CELF2: variants seen among roughly 807,000 people sequenced by gnomAD.
The protein encoded by CELF2 is CUGBP Elav-like family member 2, also known as CUG triplet repeat RNA-binding protein 2.
A neutral mutation model predicts 62.6 loss-of-function variants in CELF2; 8 were observed. The observed-to-expected ratio is 0.13, with a 90% confidence interval of 0.07 to 0.23. The LOEUF (loss-of-function observed/expected upper bound fraction) is 0.23, where lower values mean the gene tolerates loss of function less well. Ranked by LOEUF, CELF2 falls within the 10% of genes least tolerant of loss-of-function variation. The pLI is 1.00. For missense variants in CELF2, 333 were observed against 671.0 expected (o/e 0.50, Z 5.56); for synonymous variants, 258 against 250.0 (o/e 1.03, Z -0.30).
Position 11,011,073 on chromosome 10 carries a change from G to A in CELF2, c.53+5633G>A, listed in dbSNP as rs758645852. On this transcript the variant is annotated intron_variant, in intron 1 of 12. Coordinates refer to the CELF2 transcript ENST00000416382. This position sits in a 1 kb window ranked among gnomAD's most constrained non-coding sequence, Gnocchi z 4.6. Reference sequence around the variant, plus strand: ...ATTTGTTCACCTTACAGCTGAGGAGGTCTTTGAATTAAAGCATCCCATGCC... The same window carrying A: ...ATTTGTTCACCTTACAGCTGAGGAGATCTTTGAATTAAAGCATCCCATGCC... 1 of 152,116 alleles carries A rather than the reference G, an allele frequency of 6.6e-6. No homozygotes were observed. Among genetic ancestry groups the A allele is most frequent in the African/African-American group, 2.4e-5 (1 of 41,412 alleles). The allele number at this position is 152,116 out of a possible 1,614,324, so 9.4% of individuals were successfully genotyped here.
At chr10:10,502,897 G>T in the CELF2 span, among the ~76,000 whole-genome samples, 1 of 151,766 alleles carries the variant, frequency 6.6e-6, no homozygotes, top group Non-Finnish European at 1.5e-5. Context: ...TTCAAAATTG[G>T]ATTATCTGTA....
At position 10,979,769 on chromosome 10, in the gene CELF2, G is replaced by A. The variant is rs372632434; in HGVS notation, c.89+59770G>A. 1.1e-3 allele frequency among the ~76,000 whole-genome samples: 171 copies of A among 151,772 alleles called. 2 individuals are homozygous for A. Among genetic ancestry groups the A allele is most frequent in the South Asian group, 2.1e-3 (10 of 4,800 alleles). On this transcript the variant is annotated intron_variant, in intron 2 of 13. Coordinates refer to the CELF2 transcript ENST00000636488. Reference sequence around the variant, plus strand: ...GAGCGAATCAAAGTTGACAATGCCCGTAAGAGCAGACCTCAGTCAGAACAT... The same window carrying A: ...GAGCGAATCAAAGTTGACAATGCCCATAAGAGCAGACCTCAGTCAGAACAT...
rs2065759210 is a variant in CELF2 at position 11,224,170 on chromosome 10, T to C, written c.354+6663T>C. ...GGGAATAGCCACACCACTTTTGGCC[T>C]CAGAACCCAGTGGAAGGCAATGTTT... On this transcript the variant is annotated intron_variant, in intron 3 of 12. Transcript: ENST00000633077. This position sits in a 1 kb window ranked among gnomAD's most constrained non-coding sequence, Gnocchi z 4.5. Among the ~76,000 whole-genome samples the C allele has an allele frequency of 6.6e-6, 1 of 152,224 alleles. No individual in the cohort carries two copies. Among genetic ancestry groups the C allele is most frequent in the South Asian group, 2.1e-4 (1 of 4,828 alleles).
rs994597764 is a variant in CELF2 at position 11,242,787 on chromosome 10, T to A, written c.355-6366T>A. On this transcript the variant is annotated intron_variant, in intron 3 of 12. Coordinates refer to ENST00000633077, the MANE Select transcript of CELF2 (RefSeq NM_001326342.2). The surrounding 1 kb of genome is among the most constrained non-coding windows in gnomAD (Gnocchi z 4.8). ...TGGACCACTCAGCTCTGGGACCCTGTGTGTGTGTAGGGAGGGAGAAGAGGT... is the reference window on the plus strand; with the variant it reads ...TGGACCACTCAGCTCTGGGACCCTGAGTGTGTGTAGGGAGGGAGAAGAGGT... Among the ~76,000 whole-genome samples, 101 of 151,960 alleles carry A rather than the reference T, an allele frequency of 6.6e-4. No individual in the cohort carries two copies. Among genetic ancestry groups the A allele is most frequent in the African/African-American group, 2.4e-3 (98 of 41,446 alleles).
At chr10:10,756,426 C>T in the CELF2 span, among the ~76,000 whole-genome samples, 1 of 152,126 alleles carries the variant, frequency 6.6e-6, no homozygotes, top group African/African-American at 2.4e-5. Context: ...GAAAATAAAA[C>T]ACTCTCATGG....
At chr10:10,474,590 A>AT in the CELF2 span, among the ~76,000 whole-genome samples, 1 of 152,062 alleles carries the variant, frequency 6.6e-6, no homozygotes, top group African/African-American at 2.4e-5. Context: ...ATTCAATATA[A>AT]TTTTTGTGTG....
chr10:10,466,727 T>C, the CELF2 span, among the ~76,000 whole-genome samples: 1 of 152,150 alleles, frequency 6.6e-6, no homozygotes, highest in African/African-American at 2.4e-5. Context: ...ATTGCCAGTC[T>C]TTTCAGTGTT....
intron 8 of CELF2, among the ~76,000 whole-genome samples, chr10:11,279,388 G>A (rs1282536974): frequency 1.3e-5 from 2 of 152,276 alleles, no homozygotes; most frequent in East Asian, 1.9e-4. Flanking sequence ...TGTCTAGCAC[G>A]AGTGGAGAGG....
chr10:11,232,145 C>A (rs1159564970), intron 3 of CELF2, among the ~76,000 whole-genome samples: 2 of 152,044 alleles, frequency 1.3e-5, no homozygotes, highest in Non-Finnish European at 2.9e-5. Flanking sequence ...CTCCCCTCTC[C>A]CCCCACCCCA....
intron 1 of CELF2, among the ~76,000 whole-genome samples, chr10:10,869,214 G>A (rs572115016): frequency 2.8e-4 from 42 of 152,206 alleles, no homozygotes; most frequent in Admixed American, 2.4e-3. Flanking sequence ...TAAATATCAC[G>A]TATTTGATTT....
At position 11,246,581 on chromosome 10, in the gene CELF2, C is replaced by T. The variant is rs985220712; in HGVS notation, c.355-2572C>T. Among the ~76,000 whole-genome samples the T allele has an allele frequency of 1.3e-5, 2 of 152,172 alleles. No individual in the cohort carries two copies. Among genetic ancestry groups the T allele is most frequent in the African/African-American group, 4.8e-5 (2 of 41,430 alleles). ...TTATTGCCAGATCCAAATTCTTTGGCCTCTCACAGTGTTTGCTGTGGCCTG... is the reference window on the plus strand; with the variant it reads ...TTATTGCCAGATCCAAATTCTTTGGTCTCTCACAGTGTTTGCTGTGGCCTG... On this transcript the variant is annotated intron_variant, in intron 3 of 12. Coordinates refer to ENST00000633077, the MANE Select transcript of CELF2 (RefSeq NM_001326342.2). This position sits in a 1 kb window ranked among gnomAD's most constrained non-coding sequence, Gnocchi z 4.6.
At position 11,231,198 on chromosome 10, in the gene CELF2, A is replaced by G. The variant is rs186579140; in HGVS notation, c.354+13691A>G. The stretch of plus-strand genomic sequence containing the variant: ...TCATTCTTCCTTCTTGTGAATCTGG[A>G]GAAGTTTTTCACATTGTGGGTTATT... On this transcript the variant is annotated intron_variant, in intron 3 of 12. Transcript: ENST00000633077. Among the ~76,000 whole-genome samples the G allele has an allele frequency of 1.9e-3, 282 of 152,280 alleles. 1 individual carries two copies. Among genetic ancestry groups the G allele is most frequent in the African/African-American group, 6.4e-3 (267 of 41,548 alleles).
intron 2 of CELF2, among the ~76,000 whole-genome samples, chr10:11,197,992 C>T (rs2058382355): frequency 6.6e-6 from 1 of 152,194 alleles, no homozygotes; most frequent in Non-Finnish European, 1.5e-5. Flanking sequence ...CAACTGTCAC[C>T]TGGTAACCAG....
chr10:11,275,875 A>G (rs1490797745), intron 8 of CELF2, among the ~76,000 whole-genome samples: 1 of 152,120 alleles, frequency 6.6e-6, no homozygotes, highest in South Asian at 2.1e-4. Context: ...GCAATAAATC[A>G]GAACACAGGT....
At chr10:10,948,648 C>T (rs1401350302) in intron 2 of CELF2, among the ~76,000 whole-genome samples, 1 of 152,174 alleles carries the variant, frequency 6.6e-6, no homozygotes, top group Non-Finnish European at 1.5e-5. Flanking sequence ...GCTGGGAGGG[C>T]TGCCTCTTTG....
At chr10:11,308,558 GT>G in intron 9 of CELF2, among the ~76,000 whole-genome samples, 1 of 152,198 alleles carries the variant, frequency 6.6e-6, no homozygotes, top group African/African-American at 2.4e-5. Context: ...TTTCATTTTG[GT>G]TTTTACTTTT....
chr10:10,761,905 C>CAT, the CELF2 span, among the ~76,000 whole-genome samples: 2 of 128,880 alleles, frequency 1.6e-5, no homozygotes, highest in Non-Finnish European at 3.2e-5. Flanking sequence ...TATAATAAAC[C>CAT]GTGTGTGTGT....
chr10:11,294,369 T>A (rs1420123460), intron 9 of CELF2, among the ~76,000 whole-genome samples: 1 of 152,180 alleles, frequency 6.6e-6, no homozygotes, highest in African/African-American at 2.4e-5. Flanking sequence ...TTTTAGAGTA[T>A]TTTTTACTTA....
Position 10,934,530 on chromosome 10 carries a change from A to G in CELF2, c.89+14531A>G, listed in dbSNP as rs2066429960. 1 of 152,260 alleles carries G rather than the reference A, an allele frequency of 6.6e-6. No individual in the cohort carries two copies. Among genetic ancestry groups the G allele is most frequent in the African/African-American group, 2.4e-5 (1 of 41,460 alleles). 9.4% of individuals were successfully genotyped at this position (152,260 alleles called of 1,614,324 possible). A position where few individuals can be genotyped will look rare whatever the true frequency, so the allele number is the denominator to read the frequency against. Reference sequence around the variant, plus strand: ...TAGTTGATTACAGAAAATATTGGGGAAAACTAATCAATATTATTTGCTTAA... The same window carrying G: ...TAGTTGATTACAGAAAATATTGGGGGAAACTAATCAATATTATTTGCTTAA... On this transcript the variant is annotated intron_variant, in intron 2 of 13. Coordinates refer to the CELF2 transcript ENST00000636488. This position sits in a 1 kb window ranked among gnomAD's most constrained non-coding sequence, Gnocchi z 4.4.
Sources: gnomAD v4.1 joint callset for allele counts (sites outside exome capture counted in the v4.1 genomes callset) on GRCh38, gnomAD v4.1.1 for gene constraint, Gnocchi (gnomAD v3.1) non-coding constraint, MANE v1.5 for transcripts, NCBI Gene and HGNC (gene_info 2026-07-23, HGNC 2026-07-21) for gene names.